ARB2A: variants seen among roughly 807,000 people sequenced by gnomAD.
The protein encoded by ARB2A is ARB2 cotranscriptional regulator A, also known as cotranscriptional regulator ARB2A.
the ARB2A span, among the ~76,000 whole-genome samples, chr5:93,780,224 T>TAC: frequency 6.6e-6 from 1 of 152,218 alleles, no homozygotes; most frequent in South Asian, 2.1e-4. Flanking sequence ...TCTAAAGCCC[T>TAC]ACACTCAGAG....
the ARB2A span, chr5:93,740,993 C>T: frequency 6.2e-7 from 1 of 1,613,890 alleles, no homozygotes; most frequent in Non-Finnish European, 8.5e-7. Flanking sequence ...TCTGCTTCCA[C>T]TTCCTTCAGC....
At chr5:94,107,191 T>C in the ARB2A span, among the ~76,000 whole-genome samples, 2 of 152,188 alleles carry the variant, frequency 1.3e-5, no homozygotes, top group Non-Finnish European at 1.5e-5. Flanking sequence ...TTATTTTCTC[T>C]GAAGCAAAAA....
the ARB2A span, among the ~76,000 whole-genome samples, chr5:94,016,750 T>C: frequency 6.6e-6 from 1 of 152,186 alleles, no homozygotes; most frequent in African/African-American, 2.4e-5. Flanking sequence ...CTAGAAGCCA[T>C]ATCAGATATG....
chr5:93,674,142 A>G, the ARB2A span, among the ~76,000 whole-genome samples: 1 of 152,198 alleles, frequency 6.6e-6, no homozygotes, highest in Non-Finnish European at 1.5e-5. Context: ...AATCAAATGG[A>G]AAGCTGAAAT....
the ARB2A span, chr5:93,781,900 T>C: frequency 1.0e-6 from 1 of 985,382 alleles, no homozygotes; most frequent in Non-Finnish European, 1.2e-6. Context: ...ACAACAGCCC[T>C]TTCCTGTAAT....
At chr5:93,712,757 T>G in the ARB2A span, among the ~76,000 whole-genome samples, 1 of 152,166 alleles carries the variant, frequency 6.6e-6, no homozygotes, top group South Asian at 2.1e-4. Flanking sequence ...AAGCCATCCC[T>G]AGCAGAAAGA....
the ARB2A span, among the ~76,000 whole-genome samples, chr5:93,811,657 C>T: frequency 3.3e-3 from 508 of 152,006 alleles, 1 homozygote; most frequent in African/African-American, 6.8e-3. Context: ...ATACTTTTAA[C>T]GGGAAAAATA....
the ARB2A span, among the ~76,000 whole-genome samples, chr5:93,897,999 T>C: frequency 6.6e-6 from 1 of 151,912 alleles, no homozygotes; most frequent in African/African-American, 2.4e-5. Flanking sequence ...AAAAGTTAAT[T>C]TGCAACTCCC....
the ARB2A span, among the ~76,000 whole-genome samples, chr5:93,941,822 A>G: frequency 2.6e-5 from 4 of 152,316 alleles, no homozygotes; most frequent in South Asian, 4.1e-4. Flanking sequence ...ATTAGGCATA[A>G]GAGACCTTGT....
the ARB2A span, among the ~76,000 whole-genome samples, chr5:93,891,212 T>C: frequency 6.6e-6 from 1 of 152,114 alleles, no homozygotes; most frequent in Non-Finnish European, 1.5e-5. Context: ...TTAGCCTTCA[T>C]TCCTGTATGA....
At chr5:93,731,043 CTTAT>C in the ARB2A span, among the ~76,000 whole-genome samples, 3 of 152,022 alleles carry the variant, frequency 2.0e-5, no homozygotes, top group Non-Finnish European at 4.4e-5. Context: ...ATCATACCAC[CTTAT>C]TTAACTCCTT....
chr5:93,850,659 T>C, the ARB2A span, among the ~76,000 whole-genome samples: 1 of 152,194 alleles, frequency 6.6e-6, no homozygotes, highest in Non-Finnish European at 1.5e-5. Flanking sequence ...GCCATCAAAC[T>C]TGTGATGAAC....
chr5:93,848,247 G>A, the ARB2A span, among the ~76,000 whole-genome samples: 1 of 152,054 alleles, frequency 6.6e-6, no homozygotes, highest in African/African-American at 2.4e-5. Context: ...GCTGAGTGTG[G>A]TAGTGCATGC....
the ARB2A span, among the ~76,000 whole-genome samples, chr5:94,097,386 C>G: frequency 6.6e-6 from 1 of 152,194 alleles, no homozygotes; most frequent in African/African-American, 2.4e-5. Context: ...CAGATGGGCT[C>G]TGATATGGTT....
the ARB2A span, among the ~76,000 whole-genome samples, chr5:93,825,834 T>C: frequency 6.6e-6 from 1 of 151,522 alleles, no homozygotes; most frequent in African/African-American, 2.4e-5. Flanking sequence ...AAATATTTAA[T>C]ATATATCTAA....
the ARB2A span, chr5:93,805,344 A>G: frequency 2.0e-6 from 2 of 985,164 alleles, no homozygotes; most frequent in Non-Finnish European, 2.4e-6. Flanking sequence ...ATTTCACTGA[A>G]CAAGTTTTTA....
At chr5:94,100,989 A>G in the ARB2A span, among the ~76,000 whole-genome samples, 1 of 152,226 alleles carries the variant, frequency 6.6e-6, no homozygotes, top group Non-Finnish European at 1.5e-5. Context: ...CTATCAACAG[A>G]GTAAACAGAC....
At chr5:94,026,802 C>T in the ARB2A span, among the ~76,000 whole-genome samples, 1 of 152,102 alleles carries the variant, frequency 6.6e-6, no homozygotes, top group Non-Finnish European at 1.5e-5. Context: ...GTTGGACCCG[C>T]CCCATCTGCC....
At chr5:93,833,110 T>C in the ARB2A span, among the ~76,000 whole-genome samples, 3 of 152,184 alleles carry the variant, frequency 2.0e-5, no homozygotes, top group Non-Finnish European at 4.4e-5. Flanking sequence ...TACCATTTCA[T>C]TGGTTCTTCT....
Sources: gnomAD v4.1 joint callset for allele counts (sites outside exome capture counted in the v4.1 genomes callset) on GRCh38, gnomAD v4.1.1 for gene constraint, MANE v1.5 for transcripts, NCBI Gene and HGNC (gene_info 2026-07-23, HGNC 2026-07-21) for gene names.